TRAPPC12: variants seen among roughly 807,000 people sequenced by gnomAD.
TRAPPC12 encodes trafficking protein particle complex subunit 12.
TRAPPC12 carries 61 observed loss-of-function variants against 69.2 expected under a neutral mutation model. The ratio of observed to expected loss-of-function variants is 0.88; its 90% CI spans 0.72 to 1.09. TRAPPC12 has a LOEUF of 1.09. Ranked by LOEUF, TRAPPC12 falls within the 50% of genes least tolerant of loss-of-function variation. TRAPPC12 has a pLI of 0.00. For synonymous variants in TRAPPC12, 469 were observed against 438.9 expected, an observed-to-expected ratio of 1.07 and a Z score of -0.86; for missense variants, 1,101 against 1,016.4, an observed-to-expected ratio of 1.08 and a Z score of -1.13.
intron 2 of TRAPPC12, among the ~76,000 whole-genome samples, chr2:3,391,976 G>A (rs1660850746): frequency 6.6e-6 from 1 of 152,090 alleles, no homozygotes; most frequent in South Asian, 2.1e-4. Context: ...AAATCTGAAG[G>A]TTGCCACAGG....
chr2:3,418,421 A>G (rs1286911863), intron 3 of TRAPPC12, among the ~76,000 whole-genome samples: 3 of 152,192 alleles, frequency 2.0e-5, no homozygotes, highest in Non-Finnish European at 4.4e-5. Context: ...CGCGGGCTGA[A>G]GTCAGCCCAC....
chr2:3,442,463 A>G (rs750707876), intron 5 of TRAPPC12, among the ~76,000 whole-genome samples: 3 of 152,222 alleles, frequency 2.0e-5, no homozygotes, highest in Non-Finnish European at 4.4e-5. Context: ...CTGTGTCATT[A>G]TGCGGATGGT....
rs1662982912 is a variant in TRAPPC12 at position 3,424,456 on chromosome 2, T to A, written c.1279-69T>A. ...GAAATTAACCTCTAACACCAACTCA[T>A]AAGGAATAGCAAATTCTGAACTGGA... On this transcript the variant is annotated intron_variant, in intron 4 of 11. Transcript: ENST00000324266. 8 of 1,454,820 alleles carry A rather than the reference T, an allele frequency of 5.5e-6. No individual in the cohort carries two copies. The South Asian group carries it at 8.9e-5, about 16-fold the overall frequency. The allele number at this position is 1,454,820 out of a possible 1,614,324, so 90.1% of individuals were successfully genotyped here.
chr2:3,415,711 A>G (rs1572123460), intron 3 of TRAPPC12, among the ~76,000 whole-genome samples: 1 of 110,156 alleles, frequency 9.1e-6, no homozygotes, highest in Non-Finnish European at 1.8e-5. Flanking sequence ...GCCTGCATTC[A>G]CTTCTTTTCT....
In TRAPPC12 at chr2:3,388,285, C is replaced by T. The variant is rs1428820504; in HGVS notation, c.662C>T (p.Ser221Leu). ...GDTAASHSLASDFFDSFTTSA... is the reference protein window; with the variant it reads ...GDTAASHSLALDFFDSFTTSA... ...ACGGCCGCCAGCCACTCCTTGGCCT[C>T]GGACTTCTTCGACTCCTTTACTACC... The change falls in exon 2 of 12, where the codon TCG (serine) becomes TTG (leucine). Residue 221 changes from serine (S) to leucine (L), a missense_variant. By Grantham distance (145) the Ser-to-Leu change is moderately radical. Coordinates refer to ENST00000324266, the MANE Select transcript of TRAPPC12 (RefSeq NM_016030.6). The T allele has an allele frequency of 7.5e-6, 12 of 1,607,662 alleles. No individual in the cohort carries two copies. The highest frequency in any genetic ancestry group is 6.8e-5 in the African/African-American group (5 of 73,924).
intron 3 of TRAPPC12, among the ~76,000 whole-genome samples, chr2:3,411,934 T>A (rs546701649): frequency 4.0e-4 from 61 of 152,306 alleles, no homozygotes; most frequent in Middle Eastern, 6.8e-3. Flanking sequence ...TATCTTTTTT[T>A]AAAAAAATTC....
Position 3,477,768 on chromosome 2 carries a change from A to C in TRAPPC12, c.1850A>C (p.Gln617Pro), listed in dbSNP as rs375476857. 1 of 1,603,500 alleles carries C rather than the reference A, an allele frequency of 6.2e-7. No individual in the cohort carries two copies. Among genetic ancestry groups the C allele is most frequent in the East Asian group, 2.2e-5 (1 of 44,814 alleles). The change falls in exon 10 of 12, where the codon CAG (glutamine) becomes CCG (proline). Residue 617 changes from glutamine to proline, a missense_variant. Gln to Pro is a moderately conservative substitution (Grantham distance 76, BLOSUM62 -1). Coordinates refer to ENST00000324266, the MANE Select transcript of TRAPPC12 (RefSeq NM_016030.6). ...GTAACACAGAAATTAGATGGACTAC[A>C]GGGTAAAATCATGGTTTTGATGAAC... ...EKVTQKLDGL[Q>P]GKIMVLMNSA... is the part of the protein sequence containing the mutation.
At chr2:3,404,874 G>A (rs1661641589) in intron 3 of TRAPPC12, among the ~76,000 whole-genome samples, 1 of 150,752 alleles carries the variant, frequency 6.6e-6, no homozygotes, top group Non-Finnish European at 1.5e-5. Context: ...GGATAGAGTG[G>A]GGGGCGGTTA....
At chr2:3,447,497 C>G (rs1171051695) in intron 6 of TRAPPC12, among the ~76,000 whole-genome samples, 1 of 152,182 alleles carries the variant, frequency 6.6e-6, no homozygotes, top group Non-Finnish European at 1.5e-5. Context: ...AGGCACCAGA[C>G]TTTTTTTGAC....
At chr2:3,390,494 C>T (rs1469497575) in intron 2 of TRAPPC12, among the ~76,000 whole-genome samples, 4 of 152,012 alleles carry the variant, frequency 2.6e-5, no homozygotes, top group South Asian at 2.1e-4. Context: ...TCTAAAAGCC[C>T]GTTATTAGGA....
Position 3,396,119 on chromosome 2 carries a change from C to A in TRAPPC12, c.1048-5658C>A, listed in dbSNP as rs1661114933. The stretch of plus-strand genomic sequence containing the variant: ...ACCTCAAGTGATCTGCCCACCTTGG[C>A]CTCCCAAAGTGCTGGGATTACAGGC... On this transcript the variant is annotated intron_variant, in intron 2 of 11. Coordinates refer to ENST00000324266, the MANE Select transcript of TRAPPC12 (RefSeq NM_016030.6). Among the ~76,000 whole-genome samples, 4 of 152,164 alleles carry A rather than the reference C, an allele frequency of 2.6e-5. No homozygotes were observed. The South Asian group carries it at 8.3e-4, about 32-fold the overall frequency.
intron 5 of TRAPPC12, among the ~76,000 whole-genome samples, chr2:3,427,894 CA>C (rs11338736): frequency 0.31 from 43,918 of 143,146 alleles, 6,685 homozygotes; most frequent in Middle Eastern, 0.39. Context: ...CTCTGTCCCA[CA>C]AAAAAAAAAA....
chr2:3,448,285 T>C (rs1272709491), intron 6 of TRAPPC12, among the ~76,000 whole-genome samples: 1 of 152,190 alleles, frequency 6.6e-6, no homozygotes, highest in Non-Finnish European at 1.5e-5. Context: ...ACTCTGCGGT[T>C]CTCTGTGAAA....
chr2:3,409,839 C>G lies in TRAPPC12; in HGVS notation c.1164+7946C>G, dbSNP rs184587359. ...CTACTGATGCATCTGACTCTCACAC[C>G]ACATCTAAATTAGAGATGAAGGGGC... On this transcript the variant is annotated intron_variant, in intron 3 of 11. Coordinates refer to ENST00000324266, the MANE Select transcript of TRAPPC12 (RefSeq NM_016030.6). Among the ~76,000 whole-genome samples the G allele has an allele frequency of 1.8e-3, 266 of 151,272 alleles. 2 individuals carry two copies. Among genetic ancestry groups the G allele is most frequent in the Non-Finnish European group, 3.1e-3 (210 of 67,824 alleles).
intron 3 of TRAPPC12, among the ~76,000 whole-genome samples, chr2:3,411,463 A>G (rs548032572): frequency 5.2e-4 from 79 of 152,296 alleles, no homozygotes; most frequent in African/African-American, 1.9e-3. Context: ...GAAAAGAAAA[A>G]CTGAAAAAAA....
intron 9 of TRAPPC12, among the ~76,000 whole-genome samples, chr2:3,473,419 T>C (rs926796793): frequency 1.1e-4 from 17 of 152,254 alleles, no homozygotes; most frequent in African/African-American, 3.9e-4. Context: ...GAATGTTTTA[T>C]AACATAAAAA....
chr2:3,388,246 C>G lies in TRAPPC12; in HGVS notation c.623C>G (p.Thr208Arg), dbSNP rs770746825. The G allele has an allele frequency of 1.2e-6, 2 of 1,608,812 alleles. No individual in the cohort carries two copies. The highest frequency in any genetic ancestry group is 1.7e-5 in the Admixed American group (1 of 59,742). ...QVVQPSPSLSTFFGDTAASHS... is the reference protein window; with the variant it reads ...QVVQPSPSLSRFFGDTAASHS... Reference sequence around the variant, plus strand: ...GTGCAGCCCAGCCCCAGCCTCAGCACGTTCTTCGGAGACACGGCCGCCAGC... The same window carrying G: ...GTGCAGCCCAGCCCCAGCCTCAGCAGGTTCTTCGGAGACACGGCCGCCAGC... Residue 208 changes from threonine to arginine, a missense_variant, in exon 2 of 12, where the codon ACG becomes AGG. Thr to Arg is a moderately conservative substitution (Grantham distance 71). Coordinates refer to ENST00000324266, the MANE Select transcript of TRAPPC12 (RefSeq NM_016030.6).
chr2:3,394,466 C>CA (rs1661003422), intron 2 of TRAPPC12, among the ~76,000 whole-genome samples: 1 of 152,006 alleles, frequency 6.6e-6, no homozygotes, highest in Non-Finnish European at 1.5e-5. Context: ...ACTAAAAATA[C>CA]AAAAAACAGC....
intron 5 of TRAPPC12, among the ~76,000 whole-genome samples, chr2:3,436,952 T>TCCCCCCAC (rs1663833268): frequency 1.7e-5 from 1 of 60,570 alleles, no homozygotes; most frequent in African/African-American, 7.3e-5. Context: ...AATCCCCCAA[T>TCCCCCCAC]CACCCCTGGA....
Sources: gnomAD v4.1 joint callset for allele counts (sites outside exome capture counted in the v4.1 genomes callset) on GRCh38, gnomAD v4.1.1 for gene constraint, MANE v1.5 for transcripts, NCBI Gene and HGNC (gene_info 2026-07-23, HGNC 2026-07-21) for gene names.